TULP3: variants seen among roughly 807,000 people sequenced by gnomAD.
The protein encoded by TULP3 is tubby-related protein 3.
TULP3 carries 38 observed loss-of-function variants against 50.7 expected under a neutral mutation model. The observed-to-expected ratio is 0.75, with a 90% CI of 0.58 to 0.98. The LOEUF (loss-of-function observed/expected upper bound fraction) is 0.98, where lower values mean the gene tolerates loss of function less well. TULP3 is among the 50% of genes least tolerant of loss of function. TULP3 has a pLI of 0.00. For synonymous variants in TULP3, 183 were observed against 196.6 expected, an observed-to-expected ratio of 0.93 and a Z score of 0.58; for missense variants, 550 against 568.0, an observed-to-expected ratio of 0.97 and a Z score of 0.32.
At chr12:2,909,985 G>T (rs11062413) in intron 2 of TULP3, among the ~76,000 whole-genome samples, 2 of 151,964 alleles carry the variant, frequency 1.3e-5, no homozygotes, top group Non-Finnish European at 2.9e-5. Context: ...GCTTGCTGCC[G>T]TGCTGCTTTC....
In TULP3 at chr12:2,891,014, C is replaced by T. The variant is rs2098171529; in HGVS notation, c.41+26C>T. ...GTCAGACAGGGCCGTGGCAGGTCTC[C>T]TCCTGAGCGAGGCGGAGGGGCGAAG... On this transcript the variant is annotated intron_variant, in intron 1 of 10. Coordinates refer to ENST00000448120, the MANE Select transcript of TULP3 (RefSeq NM_003324.5). 1.9e-6 allele frequency: 3 copies of T among 1,558,216 alleles called. No individual in the cohort carries two copies. In the South Asian group the frequency reaches 3.5e-5, roughly 18 times the overall value.
chr12:2,893,856 A>G (rs10774070), intron 1 of TULP3, among the ~76,000 whole-genome samples: 1 of 149,974 alleles, frequency 6.7e-6, no homozygotes, highest in African/African-American at 2.4e-5. Flanking sequence ...GTTGCCCAGG[A>G]TGGTCTTGAA....
chr12:2,904,504 G>A (rs1045423339), intron 1 of TULP3, among the ~76,000 whole-genome samples: 2 of 152,096 alleles, frequency 1.3e-5, no homozygotes, highest in Admixed American at 6.6e-5. Context: ...TGCCCAGCAG[G>A]TATCTTCAGT....
chr12:2,937,544 A>G, intron 8 of TULP3, 87 bp from the exon 9 acceptor site: 1 of 962,278 alleles, frequency 1.0e-6, no homozygotes, highest in Admixed American at 2.1e-5. Flanking sequence ...AGCATCTTAC[A>G]TTCCCAAGAA....
intron 2 of TULP3, among the ~76,000 whole-genome samples, chr12:2,911,620 C>G (rs2098185654): frequency 6.8e-6 from 1 of 147,546 alleles, no homozygotes; most frequent in South Asian, 2.1e-4. Context: ...CCGCCTTAGC[C>G]TCCCAAAGTG....
chr12:2,930,786 T>C (rs2098197538), intron 5 of TULP3: 4 of 572,216 alleles, frequency 7.0e-6, no homozygotes, highest in South Asian at 2.0e-5. Flanking sequence ...AAGTGTAAGC[T>C]CAAATTTAGT....
chr12:2,932,337 G>T (rs137957222), intron 6 of TULP3, among the ~76,000 whole-genome samples: 1 of 152,072 alleles, frequency 6.6e-6, no homozygotes, highest in Non-Finnish European at 1.5e-5. Context: ...CCAGCACTTC[G>T]GGAGGCTGAG....
intron 2 of TULP3, among the ~76,000 whole-genome samples, chr12:2,914,493 CTG>C (rs1361324354): frequency 3.3e-5 from 5 of 152,210 alleles, no homozygotes; most frequent in Non-Finnish European, 7.3e-5. Context: ...TTCTGTCTAA[CTG>C]TATGTTTGAA....
chr12:2,912,198 GTA>G (rs2098186079), intron 2 of TULP3, among the ~76,000 whole-genome samples: 1 of 152,208 alleles, frequency 6.6e-6, no homozygotes, highest in Non-Finnish European at 1.5e-5. Flanking sequence ...GTGATTTTAG[GTA>G]AAGTTCTTAA....
Position 2,924,675 on chromosome 12 carries a change from T to C in TULP3, c.394+2273T>C, listed in dbSNP as rs1591533766. ...CAGCCTGGGTGACAGAATGAAACCA[T>C]GTCTTTAAAAATTAAAAAAAAAAAA... On this transcript the variant is annotated intron_variant, in intron 4 of 10. Transcript: ENST00000448120. 2.7e-5 allele frequency among the ~76,000 whole-genome samples: 4 copies of C among 146,684 alleles called. No homozygotes were observed. The East Asian group carries it at 8.3e-4, about 30-fold the overall frequency.
At chr12:2,908,952 G>A (rs2098183937) in intron 1 of TULP3, among the ~76,000 whole-genome samples, 1 of 152,140 alleles carries the variant, frequency 6.6e-6, no homozygotes, top group Non-Finnish European at 1.5e-5. Context: ...CAGGAATTCA[G>A]TAGGCTCTAG....
chr12:2,921,445 C>T (rs916388426), intron 3 of TULP3, among the ~76,000 whole-genome samples: 1 of 152,136 alleles, frequency 6.6e-6, no homozygotes, highest in African/African-American at 2.4e-5. Flanking sequence ...CCGGCAAGAA[C>T]TGTTGTTTTC....
chr12:2,938,124 G>C lies in TULP3; in HGVS notation c.1034G>C (p.Ser345Thr). The change falls in exon 10 of 11, where the codon AGT becomes ACT. Residue 345 changes from serine to threonine, a missense_variant. By Grantham distance (58) the Ser-to-Thr change is moderately conservative (BLOSUM62 1). Coordinates refer to ENST00000448120, the MANE Select transcript of TULP3 (RefSeq NM_003324.5). ...IPYQPQNNHD[S>T]LLSRWQNRTM... ...TTTCCCTTTGGACAGAACCATGACAGTTTGCTCTCAAGGTGGCAGAACAGA... is the reference window on the plus strand; with the variant it reads ...TTTCCCTTTGGACAGAACCATGACACTTTGCTCTCAAGGTGGCAGAACAGA... 6.2e-7 allele frequency: 1 copy of C among 1,614,196 alleles called. No homozygotes were observed. The highest frequency in any genetic ancestry group is 1.1e-5 in the South Asian group (1 of 91,086).
chr12:2,894,541 AC>A (rs2098174309), intron 1 of TULP3, among the ~76,000 whole-genome samples: 2 of 1,846 alleles, frequency 1.1e-3, no homozygotes, highest in Non-Finnish European at 3.7e-3. Context: ...TCTCAAAAAC[AC>A]ACACACACAC....
chr12:2,938,271 T>C lies in TULP3; in HGVS notation c.1181T>C (p.Val394Ala), dbSNP rs544419371. 119 of 1,613,738 alleles carry C rather than the reference T, an allele frequency of 7.4e-5. No individual in the cohort carries two copies. In the South Asian group the frequency reaches 1.2e-3, roughly 16 times the overall value. The change falls in exon 10 of 11, where the codon GTC becomes GCC. Residue 394 changes from valine to alanine, a missense_variant. Val to Ala is a moderately conservative substitution (Grantham distance 64). Transcript: ENST00000448120. ...TQASVKNFQI[V>A]HKNDPDYIVM... Reference sequence around the variant, plus strand: ...GCGTCTGTGAAGAACTTCCAGATAGTCCACAAAAATGACCGTAAGCCTCCA... The same window carrying C: ...GCGTCTGTGAAGAACTTCCAGATAGCCCACAAAAATGACCGTAAGCCTCCA...
intron 2 of TULP3, among the ~76,000 whole-genome samples, chr12:2,915,614 G>A (rs371828204): frequency 1.3e-5 from 2 of 150,828 alleles, no homozygotes; most frequent in Non-Finnish European, 2.9e-5. Flanking sequence ...TCTCAGCTCA[G>A]GCTCACTGCA....
At chr12:2,899,024 C>A (rs903548299) in intron 1 of TULP3, among the ~76,000 whole-genome samples, 3 of 152,170 alleles carry the variant, frequency 2.0e-5, no homozygotes, top group East Asian at 1.9e-4. Flanking sequence ...AAATATTATT[C>A]TTCAGATATT....
At chr12:2,924,825 G>C (rs1363767370) in intron 4 of TULP3, among the ~76,000 whole-genome samples, 1 of 151,884 alleles carries the variant, frequency 6.6e-6, no homozygotes, top group Non-Finnish European at 1.5e-5. Flanking sequence ...CTGCATTCCA[G>C]CCTGTGTGTA....
chr12:2,930,224 T>C (rs372503357), intron 4 of TULP3, 24 bp from the exon 5 acceptor site: 4 of 1,537,406 alleles, frequency 2.6e-6, no homozygotes, highest in Non-Finnish European at 3.6e-6. Flanking sequence ...TTGGCAGTGC[T>C]AACAGTTCTT....
Sources: allele counts gnomAD v4.1 joint callset (sites outside exome capture counted in the v4.1 genomes callset), GRCh38; gene constraint gnomAD v4.1.1; transcripts MANE v1.5; gene names NCBI Gene and HGNC (gene_info 2026-07-23, HGNC 2026-07-21).